KIAA0586: variants seen among roughly 807,000 people sequenced by gnomAD.
KIAA0586 encodes the protein protein TALPID3.
KIAA0586 carries 144 observed loss-of-function variants against 169.8 expected under a neutral mutation model. The ratio of observed to expected loss-of-function variants is 0.85; its 90% CI spans 0.74 to 0.97. KIAA0586 has a LOEUF of 0.97. Ranked by LOEUF, KIAA0586 falls within the 50% of genes least tolerant of loss-of-function variation. The pLI, the probability that KIAA0586 is intolerant of heterozygous loss-of-function variation, is 0.00. For synonymous variants in KIAA0586, 625 were observed against 612.4 expected (o/e 1.02, Z -0.30); for missense variants, 1,854 against 1,823.0 (o/e 1.02, Z -0.31).
chr14:58,478,153 A>T (rs1206723890), intron 20 of KIAA0586, among the ~76,000 whole-genome samples: 1 of 152,100 alleles, frequency 6.6e-6, no homozygotes, highest in Non-Finnish European at 1.5e-5. Context: ...CCAAGTAGTT[A>T]GGACCATAGG....
intron 30 of KIAA0586, among the ~76,000 whole-genome samples, chr14:58,541,440 C>T (rs914861283): frequency 6.6e-5 from 10 of 152,274 alleles, no homozygotes; most frequent in African/African-American, 2.2e-4. Context: ...TGTCCATGCC[C>T]TTAAGGAATG....
At chr14:58,455,759 G>A (rs1004477448) in intron 9 of KIAA0586, among the ~76,000 whole-genome samples, 3 of 152,104 alleles carry the variant, frequency 2.0e-5, no homozygotes, top group South Asian at 2.1e-4. Flanking sequence ...GGCAGATTAT[G>A]AGTCTGTTTT....
intron 28 of KIAA0586, among the ~76,000 whole-genome samples, chr14:58,509,677 A>T (rs2141443816): frequency 6.6e-6 from 1 of 152,320 alleles, no homozygotes. Context: ...CAGTATTACC[A>T]ATCTGTGACC....
chr14:58,501,859 A>T (rs2043594175), intron 27 of KIAA0586, among the ~76,000 whole-genome samples: 1 of 152,216 alleles, frequency 6.6e-6, no homozygotes, highest in South Asian at 2.1e-4. Context: ...AACATTTATT[A>T]TTTCACAGAA....
chr14:58,442,388 A>G (rs1639885180), intron 4 of KIAA0586, among the ~76,000 whole-genome samples: 1 of 152,248 alleles, frequency 6.6e-6, no homozygotes, highest in African/African-American at 2.4e-5. Context: ...TACAGGCATA[A>G]TCCCACCGTG....
At chr14:58,540,544 A>T (rs1459647286) in intron 30 of KIAA0586, among the ~76,000 whole-genome samples, 2 of 152,178 alleles carry the variant, frequency 1.3e-5, no homozygotes, top group East Asian at 3.8e-4. Flanking sequence ...CACATTAACG[A>T]TTGCTTTTTA....
chr14:58,495,563 C>A (rs993881625), intron 26 of KIAA0586, among the ~76,000 whole-genome samples: 6 of 152,024 alleles, frequency 3.9e-5, no homozygotes, highest in African/African-American at 1.4e-4. Context: ...CTTCCAAAGT[C>A]CTGGGATTAT....
chr14:58,448,385 G>C lies in KIAA0586; in HGVS notation c.853G>C (p.Val285Leu). ...ACTCAAGACTAGTAGTTTTCAGCCT[G>C]TTAGTATGCCCTCCTCCAGAGCAGT... Reference protein sequence around the residue: ...AALKTSSFQPVSMPSSRAVEK... With the variant: ...AALKTSSFQPLSMPSSRAVEK... The change falls in exon 7 of 31, where the codon GTT (valine) becomes CTT (leucine). Residue 285 changes from valine to leucine, a missense_variant. Physicochemically the swap from Val to Leu is conservative, Grantham distance 32 (BLOSUM62 1). Transcript: ENST00000652326. 1 of 1,607,532 alleles carries C rather than the reference G, an allele frequency of 6.2e-7. No individual in the cohort carries two copies. Among genetic ancestry groups the C allele is most frequent in the Non-Finnish European group, 8.5e-7 (1 of 1,174,518 alleles).
rs780131492 is a variant in KIAA0586, at chr14:58,429,216, A to G, written c.200-147A>G. 4.9e-5 allele frequency: 28 copies of G among 573,370 alleles called. No individual in the cohort carries two copies. In the East Asian group the frequency reaches 7.4e-4, roughly 15 times the overall value. 35.5% of individuals were successfully genotyped at this position (573,370 alleles called of 1,614,324 possible). A position where few individuals can be genotyped will look rare whatever the true frequency, so the allele number is the denominator to read the frequency against. ...AACTTTCATTCAGATATGTTTAAAT[A>G]CATTTTCTTAACTTTTTTTGCATGC... On this transcript the variant is annotated intron_variant, in intron 1 of 30. Coordinates refer to ENST00000652326, the MANE Select transcript of KIAA0586 (RefSeq NM_001329943.3).
chr14:58,506,562 C>T (rs941459637), intron 27 of KIAA0586, among the ~76,000 whole-genome samples: 3 of 151,852 alleles, frequency 2.0e-5, no homozygotes, highest in African/African-American at 4.8e-5. Flanking sequence ...TGGCGCGTGC[C>T]TGTGGTCTCA....
At chr14:58,521,719 A>G in intron 29 of KIAA0586, 1 of 861,818 alleles carries the variant, frequency 1.2e-6, no homozygotes, top group Non-Finnish European at 2.0e-6. Context: ...AAAACCTAGA[A>G]GAAAATTGAA....
chr14:58,502,730 T>C (rs1046237561), intron 27 of KIAA0586, among the ~76,000 whole-genome samples: 55 of 152,208 alleles, frequency 3.6e-4, no homozygotes, highest in African/African-American at 1.3e-3. Context: ...ATCTTATATG[T>C]ACTTAATAGA....
At chr14:58,484,648 C>A (rs891321949) in intron 21 of KIAA0586, among the ~76,000 whole-genome samples, 1 of 150,424 alleles carries the variant, frequency 6.6e-6, no homozygotes, top group South Asian at 2.1e-4. Context: ...TTGAAAATAA[C>A]ACTTATATGC....
intron 20 of KIAA0586, among the ~76,000 whole-genome samples, chr14:58,478,917 A>T (rs1262663813): frequency 6.6e-6 from 1 of 152,256 alleles, no homozygotes. Context: ...TAATAGTATA[A>T]TGTATAGATA....
chr14:58,542,844 A>G (rs532152107), intron 30 of KIAA0586, among the ~76,000 whole-genome samples: 1 of 152,112 alleles, frequency 6.6e-6, no homozygotes, highest in East Asian at 1.9e-4. Flanking sequence ...GAATCCTCAT[A>G]AAAACCTCTG....
At chr14:58,554,964 C>T (rs987921201), downstream of KIAA0586, among the ~76,000 whole-genome samples, 1 of 152,050 alleles carries the variant, frequency 6.6e-6, no homozygotes, top group Non-Finnish European at 1.5e-5. Flanking sequence ...AGAAATTCTG[C>T]AGAATCCTAT....
At chr14:58,459,367 C>T (rs1452188442) in intron 12 of KIAA0586, among the ~76,000 whole-genome samples, 1 of 152,128 alleles carries the variant, frequency 6.6e-6, no homozygotes, top group Non-Finnish European at 1.5e-5. Context: ...CTAGTTTTCG[C>T]TCTACAGCTA....
chr14:58,516,274 TG>T (rs1014866562), intron 29 of KIAA0586, among the ~76,000 whole-genome samples: 17 of 152,270 alleles, frequency 1.1e-4, no homozygotes, highest in South Asian at 4.2e-4. Context: ...TGGCTGTCAC[TG>T]CCAGAAAGAC....
chr14:58,554,538 G>A (rs765907605), downstream of KIAA0586, among the ~76,000 whole-genome samples: 2 of 152,094 alleles, frequency 1.3e-5, no homozygotes, highest in African/African-American at 2.4e-5. Flanking sequence ...AACCACATAG[G>A]GCATGCTATA....
Sources: allele counts gnomAD v4.1 joint callset (sites outside exome capture counted in the v4.1 genomes callset), GRCh38; gene constraint gnomAD v4.1.1; transcripts MANE v1.5; gene names NCBI Gene and HGNC (gene_info 2026-07-23, HGNC 2026-07-21).